The following PPP4R2 variants were observed in gnomAD, a reference collection of about 807,000 sequenced individuals.
PPP4R2 encodes the protein serine/threonine-protein phosphatase 4 regulatory subunit 2.
PPP4R2 carries 13 observed loss-of-function variants against 47.2 expected under a neutral mutation model. That is an observed-to-expected ratio of 0.28 (90% CI 0.18 to 0.44). The LOEUF (loss-of-function observed/expected upper bound fraction) is 0.44. PPP4R2 is among the 20% of genes least tolerant of loss of function. The probability of loss-of-function intolerance (pLI) is 1.00; values close to 1 mark genes in which losing one functional copy is unlikely to be tolerated. For missense variants in PPP4R2, 421 were observed against 491.2 expected (o/e 0.86, Z 1.35); for synonymous variants, 151 against 163.3 (o/e 0.92, Z 0.57).
intron 2 of PPP4R2, among the ~76,000 whole-genome samples, chr3:73,022,306 C>T (rs894260839): frequency 5.3e-5 from 8 of 151,264 alleles, no homozygotes; most frequent in African/African-American, 1.7e-4. Flanking sequence ...AAATGTAGCC[C>T]TTTAAGAGAG....
intron 2 of PPP4R2, among the ~76,000 whole-genome samples, chr3:73,013,890 C>G (rs1163385063): frequency 6.6e-6 from 1 of 152,202 alleles, no homozygotes; most frequent in Non-Finnish European, 1.5e-5. Context: ...ATCCGCCTGC[C>G]TTGGCCTCCC....
chr3:73,042,649 C>T (rs1702403007), intron 2 of PPP4R2, among the ~76,000 whole-genome samples: 1 of 152,022 alleles, frequency 6.6e-6, no homozygotes, highest in Admixed American at 6.6e-5. Context: ...ATCCGTGAGC[C>T]ACCGCGCCTG....
At chr3:73,013,423 CAT>C (rs891649095) in intron 2 of PPP4R2, among the ~76,000 whole-genome samples, 38 of 152,232 alleles carry the variant, frequency 2.5e-4, no homozygotes, top group Non-Finnish European at 3.1e-4. Context: ...GTGGAAAACT[CAT>C]GTGCAAAGAT....
chr3:73,056,205 C>A (rs975660403), intron 3 of PPP4R2, among the ~76,000 whole-genome samples: 3 of 152,174 alleles, frequency 2.0e-5, no homozygotes, highest in Non-Finnish European at 4.4e-5. Flanking sequence ...TCTTGTGCCT[C>A]CTTTTAGAGG....
intron 2 of PPP4R2, among the ~76,000 whole-genome samples, chr3:73,011,650 G>A (rs1368891190): frequency 1.3e-5 from 2 of 152,092 alleles, no homozygotes; most frequent in East Asian, 3.8e-4. Flanking sequence ...ATAGATGACT[G>A]ATGTACCCTT....
At chr3:73,028,121 G>A (rs1474892650) in intron 2 of PPP4R2, among the ~76,000 whole-genome samples, 2 of 151,718 alleles carry the variant, frequency 1.3e-5, no homozygotes, top group Non-Finnish European at 2.9e-5. Context: ...GCCAGGCGTG[G>A]TGGCACACGC....
At chr3:73,023,627 T>G (rs1253839626) in intron 2 of PPP4R2, among the ~76,000 whole-genome samples, 2 of 152,220 alleles carry the variant, frequency 1.3e-5, no homozygotes, top group African/African-American at 2.4e-5. Context: ...TAAAACAATT[T>G]AAACAGTGCA....
At chr3:73,027,666 G>A (rs1280297244) in intron 2 of PPP4R2, 1 of 147,760 alleles carries the variant, frequency 6.8e-6, no homozygotes. Flanking sequence ...TGAGGTGTGT[G>A]TGTGTGTGTG....
At chr3:73,048,667 A>G (rs1702541139) in intron 3 of PPP4R2, among the ~76,000 whole-genome samples, 1 of 152,270 alleles carries the variant, frequency 6.6e-6, no homozygotes, top group Admixed American at 6.5e-5. Flanking sequence ...AATACCAAAT[A>G]TAATGAATTG....
intron 2 of PPP4R2, among the ~76,000 whole-genome samples, chr3:73,002,736 G>C (rs1290623808): frequency 2.0e-5 from 3 of 148,500 alleles, no homozygotes. Flanking sequence ...CTGCCTCCTG[G>C]GTTCAAGCGA....
chr3:73,001,700 G>A (rs1181236259), intron 2 of PPP4R2, among the ~76,000 whole-genome samples: 5 of 151,748 alleles, frequency 3.3e-5, no homozygotes, highest in Admixed American at 6.6e-5. Context: ...TCGTAGTGGC[G>A]CGATCTCGGC....
chr3:73,003,822 CT>C (rs1332907201), intron 2 of PPP4R2, among the ~76,000 whole-genome samples: 1 of 152,080 alleles, frequency 6.6e-6, no homozygotes, highest in Non-Finnish European at 1.5e-5. Context: ...CCACAGCCTC[CT>C]GAGTATCTGG....
intron 2 of PPP4R2, among the ~76,000 whole-genome samples, chr3:73,017,206 A>C (rs1168654555): frequency 6.6e-6 from 1 of 152,156 alleles, no homozygotes; most frequent in Admixed American, 6.5e-5. Context: ...GACATCAGCC[A>C]CTGTGCCCAG....
At chr3:73,060,799 GAAA>G (rs3215026) in intron 4 of PPP4R2, among the ~76,000 whole-genome samples, 2 of 149,390 alleles carry the variant, frequency 1.3e-5, no homozygotes, top group African/African-American at 4.9e-5. Flanking sequence ...ATAAGTATAG[GAAA>G]AAAAAAATTA....
intron 2 of PPP4R2, among the ~76,000 whole-genome samples, chr3:73,004,330 C>T (rs747407496): frequency 3.9e-5 from 6 of 151,938 alleles, no homozygotes; most frequent in South Asian, 2.1e-4. Flanking sequence ...CATGAGCCAC[C>T]GTGCCTGGCA....
chr3:73,064,647 T>G (rs910085589), intron 7 of PPP4R2, among the ~76,000 whole-genome samples: 1 of 152,178 alleles, frequency 6.6e-6, no homozygotes, highest in Non-Finnish European at 1.5e-5. Context: ...AAAGGTCATA[T>G]AGCTTTTCTG....
At position 73,065,084 on chromosome 3, in the gene PPP4R2, T is replaced by C. The variant is rs1559572150; in HGVS notation, c.871T>C (p.Cys291Arg). Reference sequence around the variant, plus strand: ...TCAGGATAAAGACAAAGATAGCCGTTGTACCCGGCAGCACTGTACAGAAGA... The same window carrying C: ...TCAGGATAAAGACAAAGATAGCCGTCGTACCCGGCAGCACTGTACAGAAGA... ...SSQDKDKDSR[C>R]TRQHCTEEDE... The change falls in exon 8 of 9, where the codon TGT (cysteine) becomes CGT (arginine). Residue 291 changes from cysteine (C) to arginine (R), a missense_variant. By Grantham distance (180) the Cys-to-Arg change is radical (BLOSUM62 -3). Coordinates refer to ENST00000356692, the MANE Select transcript of PPP4R2 (RefSeq NM_174907.4). 1.9e-6 allele frequency: 3 copies of C among 1,614,012 alleles called. No homozygotes were observed. Among genetic ancestry groups the C allele is most frequent in the South Asian group, 1.1e-5 (1 of 91,078 alleles).
chr3:73,048,641 T>G (rs897210363), intron 3 of PPP4R2, among the ~76,000 whole-genome samples: 2 of 152,226 alleles, frequency 1.3e-5, no homozygotes, highest in Non-Finnish European at 2.9e-5. Flanking sequence ...GGCGTTAACT[T>G]AGGGTGTGGA....
At chr3:73,062,432 T>A (rs778475356) in intron 5 of PPP4R2, 1 of 1,611,584 alleles carries the variant, frequency 6.2e-7, no homozygotes, top group Admixed American at 1.7e-5. Context: ...CACATAAATC[T>A]CATTTCCACC....
Sources: gnomAD v4.1 joint callset for allele counts (sites outside exome capture counted in the v4.1 genomes callset) on GRCh38, gnomAD v4.1.1 for gene constraint, MANE v1.5 for transcripts, NCBI Gene and HGNC (gene_info 2026-07-23, HGNC 2026-07-21) for gene names.